Variants in LRRC69 observed in about 807,000 individuals in gnomAD.
LRRC69 encodes leucine rich repeat containing 69, also known as leucine-rich repeat-containing protein 69.
A neutral mutation model predicts 37.8 loss-of-function variants in LRRC69; 42 were observed. The ratio of observed to expected loss-of-function variants is 1.11; its 90% CI spans 0.87 to 1.44. The LOEUF is 1.44. Ranked by LOEUF, LRRC69 falls within the 40% of genes most tolerant of loss-of-function variation. The pLI, the probability that LRRC69 is intolerant of heterozygous loss-of-function variation, is 0.00. For synonymous variants in LRRC69, 141 were observed against 143.1 expected, an observed-to-expected ratio of 0.99 and a Z score of 0.11; for missense variants, 357 against 401.9, an observed-to-expected ratio of 0.89 and a Z score of 0.96.
Position 91,157,617 on chromosome 8 carries a change from A to G in LRRC69, c.651+21878A>G, listed in dbSNP as rs549934973. 3 of 1,562,900 alleles carry G rather than the reference A, an allele frequency of 1.9e-6. No homozygotes were observed. The South Asian group carries it at 3.4e-5, about 18-fold the overall frequency. On this transcript the variant is annotated intron_variant, in intron 5 of 7. Coordinates refer to ENST00000448384, the Ensembl canonical transcript of LRRC69. ...CTGATCAGGTGGATAAGGCAGATGA[A>G]GACTTTCAGGAATCTAATAAAATGC...
At chr8:91,177,917 C>T (rs1340710822) in intron 5 of LRRC69, among the ~76,000 whole-genome samples, 3 of 144,704 alleles carry the variant, frequency 2.1e-5, no homozygotes, top group Non-Finnish European at 4.5e-5. Flanking sequence ...GGCATGATCT[C>T]GGCTCACGGT....
At chr8:91,155,078 C>G (rs1031184014) in intron 5 of LRRC69, among the ~76,000 whole-genome samples, 1 of 151,030 alleles carries the variant, frequency 6.6e-6, no homozygotes, top group African/African-American at 2.4e-5. Flanking sequence ...TATACACCAA[C>G]AGGAGACAAG....
intron 5 of LRRC69, among the ~76,000 whole-genome samples, chr8:91,164,896 C>A (rs1335637735): frequency 1.3e-5 from 2 of 151,606 alleles, no homozygotes; most frequent in African/African-American, 4.8e-5. Flanking sequence ...GTTAATATTG[C>A]ATGTTCTTTT....
chr8:91,134,352 G>A (rs1261208139), intron 4 of LRRC69, among the ~76,000 whole-genome samples: 4 of 151,636 alleles, frequency 2.6e-5, no homozygotes, highest in African/African-American at 7.3e-5. Context: ...CCTGATTACT[G>A]GGAGGTTGTG....
intron 3 of LRRC69, among the ~76,000 whole-genome samples, chr8:91,131,585 A>G (rs918843190): frequency 1.3e-5 from 2 of 151,878 alleles, no homozygotes; most frequent in Non-Finnish European, 2.9e-5. Context: ...GTCTTTTGTT[A>G]TATGTACTCT....
At chr8:91,200,749 T>C (rs1258740148) in exon 7 of LRRC69, 2 of 1,534,510 alleles carry the variant, frequency 1.3e-6, no homozygotes, top group African/African-American at 2.8e-5. Flanking sequence ...CAGTACTTTA[T>C]AACCGTATGG....
At chr8:91,176,969 A>G (rs939114979) in intron 5 of LRRC69, among the ~76,000 whole-genome samples, 29 of 152,082 alleles carry the variant, frequency 1.9e-4, no homozygotes, top group African/African-American at 7.0e-4. Context: ...ATATATTTGA[A>G]ATATTATTAT....
intron 1 of LRRC69, among the ~76,000 whole-genome samples, chr8:91,111,358 C>T (rs1309444659): frequency 6.6e-6 from 1 of 151,832 alleles, no homozygotes; most frequent in Non-Finnish European, 1.5e-5. Flanking sequence ...GATGGTGAAA[C>T]CCCGTCTCTA....
intron 6 of LRRC69, among the ~76,000 whole-genome samples, chr8:91,196,340 G>A (rs938730490): frequency 4.6e-5 from 7 of 151,636 alleles, no homozygotes; most frequent in South Asian, 2.1e-4. Context: ...TGCTCTTCTC[G>A]AGGAGTATCT....
At chr8:91,134,091 T>C (rs1813861466) in intron 4 of LRRC69, among the ~76,000 whole-genome samples, 1 of 151,130 alleles carries the variant, frequency 6.6e-6, no homozygotes, top group Admixed American at 6.6e-5. Flanking sequence ...CTGACCTGTG[T>C]GGGCAGCAGT....
intron 6 of LRRC69, among the ~76,000 whole-genome samples, chr8:91,193,389 G>T (rs1285840687): frequency 1.4e-5 from 2 of 142,724 alleles, no homozygotes; most frequent in African/African-American, 2.6e-5. Flanking sequence ...GTGAAGAAAG[G>T]CATTGGTAGC....
chr8:91,158,479 A>T, intron 5 of LRRC69: 1 of 1,162,722 alleles, frequency 8.6e-7, no homozygotes, highest in Non-Finnish European at 1.3e-6. Context: ...TTGGAAACCC[A>T]CAAGGCCTCA....
At chr8:91,156,692 G>A (rs952669940) in intron 5 of LRRC69, among the ~76,000 whole-genome samples, 4 of 150,686 alleles carry the variant, frequency 2.7e-5, no homozygotes, top group African/African-American at 9.7e-5. Context: ...CAAAATCTTT[G>A]CCCACACTAA....
At chr8:91,195,400 G>T (rs1307313826) in intron 6 of LRRC69, among the ~76,000 whole-genome samples, 81 of 149,262 alleles carry the variant, frequency 5.4e-4, no homozygotes, top group African/African-American at 1.6e-3. Flanking sequence ...GGGTATCCTT[G>T]TTGACTTTCT....
intron 6 of LRRC69, among the ~76,000 whole-genome samples, chr8:91,193,814 T>A (rs1314180181): frequency 1.4e-5 from 2 of 140,030 alleles, no homozygotes; most frequent in Non-Finnish European, 3.1e-5. Context: ...TTTGACTTCC[T>A]CTTTTCCTAA....
intron 7 of LRRC69, among the ~76,000 whole-genome samples, chr8:91,208,861 T>G (rs1013003145): frequency 3.3e-5 from 5 of 152,192 alleles, no homozygotes; most frequent in Admixed American, 6.5e-5. Context: ...TGGTCATGCT[T>G]CTTCTTCCAT....
chr8:91,133,097 T>TG lies in LRRC69; in HGVS notation c.384-13_384-12insG. On this transcript the variant is annotated splice_polypyrimidine_tract_variant and intron_variant, in intron 3 of 7. Transcript: ENST00000448384. ...AGTTTCATTCATATACTTTGGTGTT[T>TG]TTTTTTTTTTAGATTAAAAAGTCTT... The TG allele has an allele frequency of 7.1e-7, 1 of 1,412,692 alleles. No individual in the cohort carries two copies. The highest frequency in any genetic ancestry group is 9.4e-7 in the Non-Finnish European group (1 of 1,061,610). The allele number at this position is 1,412,692 out of a possible 1,614,324, so 87.5% of individuals were successfully genotyped here. A position where few individuals can be genotyped will look rare whatever the true frequency, so the allele number is the denominator to read the frequency against.
intron 5 of LRRC69, among the ~76,000 whole-genome samples, chr8:91,171,026 A>G (rs2130581827): frequency 6.6e-6 from 1 of 150,936 alleles, no homozygotes; most frequent in Non-Finnish European, 1.5e-5. Flanking sequence ...AATATCCAGA[A>G]TCTACAATGA....
intron 1 of LRRC69, among the ~76,000 whole-genome samples, chr8:91,113,474 G>C (rs181415331): frequency 2.0e-5 from 3 of 152,114 alleles, no homozygotes; most frequent in Admixed American, 2.0e-4. Context: ...AAAGGATAGT[G>C]TCTTCAATAA....
Sources: gnomAD v4.1 joint callset for allele counts (sites outside exome capture counted in the v4.1 genomes callset) on GRCh38, gnomAD v4.1.1 for gene constraint, MANE v1.5 for transcripts, NCBI Gene and HGNC (gene_info 2026-07-23, HGNC 2026-07-21) for gene names.